The following BMP6 variants were observed in gnomAD, a reference collection of about 807,000 sequenced individuals.
The protein encoded by BMP6 is bone morphogenetic protein 6.
Under a neutral mutation model 54.1 loss-of-function variants are expected in BMP6, and 17 were observed. The ratio of observed to expected loss-of-function variants is 0.31; its 90% CI spans 0.22 to 0.47. BMP6 has a LOEUF of 0.47. Ranked by LOEUF, BMP6 falls within the 20% of genes least tolerant of loss-of-function variation. BMP6 has a pLI of 1.00. For missense variants in BMP6, 720 were observed against 690.4 expected (o/e 1.04, Z -0.48); for synonymous variants, 328 against 291.2 (o/e 1.13, Z -1.28).
At chr6:7,765,827 C>T (rs1328046542) in intron 1 of BMP6, among the ~76,000 whole-genome samples, 1 of 152,222 alleles carries the variant, frequency 6.6e-6, no homozygotes, top group Non-Finnish European at 1.5e-5. Context: ...TCCATTTCCT[C>T]GCTGTTTCCA....
chr6:7,738,702 T>C (rs1271779933), intron 1 of BMP6, among the ~76,000 whole-genome samples: 1 of 152,238 alleles, frequency 6.6e-6, no homozygotes, highest in African/African-American at 2.4e-5. Flanking sequence ...TTTTTGGTAA[T>C]GCAGCTTAAT....
intron 1 of BMP6, among the ~76,000 whole-genome samples, chr6:7,769,897 G>A (rs147983438): frequency 6.6e-6 from 1 of 152,266 alleles, no homozygotes; most frequent in East Asian, 1.9e-4. Flanking sequence ...CTTGAAAACA[G>A]TGACTTGTGT....
chr6:7,771,482 GC>G (rs1397073082), intron 1 of BMP6, among the ~76,000 whole-genome samples: 2 of 152,174 alleles, frequency 1.3e-5, no homozygotes, highest in Non-Finnish European at 2.9e-5. Flanking sequence ...TAAGGTAATT[GC>G]TGTCATTATC....
At chr6:7,866,303 A>T (rs781096935) in intron 4 of BMP6, among the ~76,000 whole-genome samples, 2 of 152,164 alleles carry the variant, frequency 1.3e-5, no homozygotes, top group Admixed American at 6.5e-5. Context: ...ATTTTAACCA[A>T]TCTACCAATT....
intron 1 of BMP6, among the ~76,000 whole-genome samples, chr6:7,819,788 T>C (rs1327758037): frequency 2.0e-5 from 3 of 152,234 alleles, no homozygotes; most frequent in Non-Finnish European, 4.4e-5. Context: ...GAGGTAATAT[T>C]GTGATATTCA....
chr6:7,837,105 G>A (rs964729056), intron 1 of BMP6, among the ~76,000 whole-genome samples: 8 of 152,226 alleles, frequency 5.3e-5, no homozygotes, highest in Non-Finnish European at 1.2e-4. Context: ...TAACCAGAGA[G>A]TAAGTCCAGT....
At chr6:7,745,940 C>A (rs2113122961) in intron 1 of BMP6, among the ~76,000 whole-genome samples, 1 of 151,908 alleles carries the variant, frequency 6.6e-6, no homozygotes, top group East Asian at 1.9e-4. Flanking sequence ...TACATTCCAG[C>A]CTAGGTGGCA....
intron 1 of BMP6, among the ~76,000 whole-genome samples, chr6:7,735,162 G>A (rs763682771): frequency 2.0e-5 from 3 of 152,222 alleles, no homozygotes; most frequent in Non-Finnish European, 4.4e-5. Flanking sequence ...TCCGATATCC[G>A]CCACGGGCCT....
intron 1 of BMP6, among the ~76,000 whole-genome samples, chr6:7,792,752 G>A (rs1164812826): frequency 6.6e-6 from 1 of 152,180 alleles, no homozygotes; most frequent in Non-Finnish European, 1.5e-5. Context: ...TATGAAAAAT[G>A]TTTCAATGGG....
rs1389055194 is a variant in BMP6, at chr6:7,854,881, T to C, written c.858-6570T>C. ...TAGTGAAGATTAGAGTATACCCCAG[T>C]GTATGGAAGCATTGTTGTGTTTATG... On this transcript the variant is annotated intron_variant, in intron 2 of 6. Coordinates refer to ENST00000283147, the MANE Select transcript of BMP6 (RefSeq NM_001718.6). Among the ~76,000 whole-genome samples the C allele has an allele frequency of 2.6e-5, 4 of 152,208 alleles. No individual in the cohort carries two copies. The East Asian group carries it at 7.7e-4, about 29-fold the overall frequency.
intron 1 of BMP6, among the ~76,000 whole-genome samples, chr6:7,797,842 T>C (rs559886747): frequency 6.6e-6 from 1 of 152,206 alleles, no homozygotes; most frequent in Non-Finnish European, 1.5e-5. Context: ...CCTTTTTGTT[T>C]TATGTGTGTT....
chr6:7,816,868 C>T lies in BMP6; in HGVS notation c.665-28272C>T, dbSNP rs115951976. Reference sequence around the variant, plus strand: ...AATGCTACGTAGGCAGAAGTTATTACTCTACTGTTTTTCATATGGCTTATT... The same window carrying T: ...AATGCTACGTAGGCAGAAGTTATTATTCTACTGTTTTTCATATGGCTTATT... On this transcript the variant is annotated intron_variant, in intron 1 of 6. Coordinates refer to ENST00000283147, the MANE Select transcript of BMP6 (RefSeq NM_001718.6). Among the ~76,000 whole-genome samples, 695 of 151,988 alleles carry T rather than the reference C, an allele frequency of 4.6e-3. 11 individuals carry two copies. Among genetic ancestry groups the T allele is most frequent in the African/African-American group, 0.016 (673 of 41,460 alleles).
At chr6:7,729,141 G>A (rs1334725912) in intron 1 of BMP6, among the ~76,000 whole-genome samples, 1 of 152,186 alleles carries the variant, frequency 6.6e-6, no homozygotes, top group Non-Finnish European at 1.5e-5. Flanking sequence ...CCAAATCCAA[G>A]GTTGAGCCAC....
chr6:7,859,381 T>C (rs1172315086), intron 2 of BMP6, among the ~76,000 whole-genome samples: 1 of 152,148 alleles, frequency 6.6e-6, no homozygotes, highest in African/African-American at 2.4e-5. Context: ...AATCTAGTCA[T>C]CAGAGGTAAC....
intron 1 of BMP6, among the ~76,000 whole-genome samples, chr6:7,734,655 TC>T (rs1250302984): frequency 4.6e-5 from 7 of 152,328 alleles, no homozygotes; most frequent in Middle Eastern, 3.4e-3. Context: ...TGTTTTCTGC[TC>T]CGAAATTGAG....
intron 1 of BMP6, among the ~76,000 whole-genome samples, chr6:7,810,567 G>C (rs1758421437): frequency 6.6e-6 from 1 of 152,184 alleles, no homozygotes; most frequent in African/African-American, 2.4e-5. Context: ...TACTTGGGTA[G>C]CTCATGGTAT....
intron 4 of BMP6, among the ~76,000 whole-genome samples, chr6:7,868,932 A>G (rs1006197316): frequency 5.3e-5 from 8 of 151,760 alleles, no homozygotes; most frequent in Non-Finnish European, 1.0e-4. Context: ...GGTGTCCCTG[A>G]CATTCTCTCT....
chr6:7,880,322 A>G lies in BMP6; in HGVS notation c.1521A>G (p.Val507=), dbSNP rs1283820304. 1.2e-6 allele frequency: 2 copies of G among 1,614,078 alleles called. No homozygotes were observed. The highest frequency in any genetic ancestry group is 1.3e-5 in the African/African-American group (1 of 74,916). The change falls in exon 7 of 7, where the codon GTA becomes GTG. Residue 507 remains valine (V), a synonymous_variant. Transcript: ENST00000283147. ...VILKKYRNMV[V]RACGCH ...TGAAAAAATACAGGAATATGGTTGTAAGAGCTTGTGGATGCCACTAACTCG... is the reference window on the plus strand; with the variant it reads ...TGAAAAAATACAGGAATATGGTTGTGAGAGCTTGTGGATGCCACTAACTCG...
chr6:7,749,056 A>G (rs1032889615), intron 1 of BMP6, among the ~76,000 whole-genome samples: 2 of 152,240 alleles, frequency 1.3e-5, no homozygotes, highest in African/African-American at 4.8e-5. Context: ...CTTCAGGACA[A>G]GAGCTTAGCG....
Sources: allele counts gnomAD v4.1 joint callset (sites outside exome capture counted in the v4.1 genomes callset), GRCh38; gene constraint gnomAD v4.1.1; transcripts MANE v1.5; gene names NCBI Gene and HGNC (gene_info 2026-07-23, HGNC 2026-07-21).